Variants in SHISA6 observed in about 807,000 individuals in gnomAD.
SHISA6 encodes protein shisa-6.
A neutral mutation model predicts 47.9 loss-of-function variants in SHISA6; 22 were observed. That is an observed-to-expected ratio of 0.46 (90% CI 0.33 to 0.66). The LOEUF is 0.66. Ranked by LOEUF, SHISA6 falls within the 30% of genes least tolerant of loss-of-function variation. The pLI, the probability that SHISA6 is intolerant of heterozygous loss-of-function variation, is 0.02. For synonymous variants in SHISA6, 388 were observed against 337.8 expected (o/e 1.15, Z -1.63); for missense variants, 680 against 764.6 (o/e 0.89, Z 1.30).
chr17:11,479,309 T>C (rs1916154305), intron 3 of SHISA6, among the ~76,000 whole-genome samples: 1 of 152,122 alleles, frequency 6.6e-6, no homozygotes, highest in African/African-American at 2.4e-5. Flanking sequence ...TGTCCTTTGT[T>C]AGGACATGGA....
At chr17:11,491,990 C>G (rs1228254156) in intron 3 of SHISA6, among the ~76,000 whole-genome samples, 1 of 151,990 alleles carries the variant, frequency 6.6e-6, no homozygotes. Flanking sequence ...AGGATGGTCT[C>G]GATCTCTTGA....
intron 2 of SHISA6, among the ~76,000 whole-genome samples, chr17:11,355,352 A>G (rs927986517): frequency 6.6e-6 from 1 of 152,246 alleles, no homozygotes; most frequent in African/African-American, 2.4e-5. Context: ...CCTTGTACAT[A>G]GGTCTCCATT....
At chr17:11,523,595 C>T (rs1057310434) in intron 3 of SHISA6, among the ~76,000 whole-genome samples, 4 of 152,066 alleles carry the variant, frequency 2.6e-5, no homozygotes, top group South Asian at 2.1e-4. Context: ...CCTGTGTGGG[C>T]GCCTGGCTGT....
intron 2 of SHISA6, among the ~76,000 whole-genome samples, chr17:11,359,304 A>C (rs902904930): frequency 1.3e-5 from 2 of 152,156 alleles, no homozygotes; most frequent in Non-Finnish European, 2.9e-5. Flanking sequence ...ACTAAACCAT[A>C]TTTTCTTAAA....
chr17:11,440,726 G>T (rs3111836), intron 3 of SHISA6, among the ~76,000 whole-genome samples: 120,267 of 151,236 alleles, frequency 0.8, 48,235 homozygotes, highest in African/African-American at 0.89. Context: ...ACTCTTGTTA[G>T]TCTTACTGCC....
chr17:11,362,283 G>C (rs1056539067), intron 2 of SHISA6, among the ~76,000 whole-genome samples: 1 of 152,066 alleles, frequency 6.6e-6, no homozygotes, highest in African/African-American at 2.4e-5. Context: ...GGGACTACAG[G>C]CACGTATCAC....
intron 2 of SHISA6, among the ~76,000 whole-genome samples, chr17:11,284,184 A>G (rs1369196312): frequency 6.6e-6 from 1 of 152,206 alleles, no homozygotes; most frequent in Non-Finnish European, 1.5e-5. Flanking sequence ...ATTATGTTCA[A>G]CTTCAAGTAA....
intron 3 of SHISA6, among the ~76,000 whole-genome samples, chr17:11,505,758 T>C (rs1012915150): frequency 7.2e-5 from 11 of 152,228 alleles, no homozygotes; most frequent in African/African-American, 2.7e-4. Flanking sequence ...GTTATTCATT[T>C]AAACAAAACT....
At chr17:11,255,456 C>T (rs4791455) in intron 1 of SHISA6, among the ~76,000 whole-genome samples, 114,068 of 152,164 alleles carry the variant, frequency 0.75, 47,659 homozygotes, top group South Asian at 0.92. Context: ...CCCTTCTGTG[C>T]CCCATTTGAC....
intron 3 of SHISA6, among the ~76,000 whole-genome samples, chr17:11,456,707 G>GC (rs142879365): frequency 0.066 from 10,068 of 152,220 alleles, 325 homozygotes; most frequent in Non-Finnish European, 0.078. Flanking sequence ...GGGCTGGACC[G>GC]CCCCCCTCTG....
chr17:11,299,761 C>T (rs1909859561), intron 2 of SHISA6, among the ~76,000 whole-genome samples: 3 of 152,128 alleles, frequency 2.0e-5, no homozygotes, highest in African/African-American at 7.2e-5. Flanking sequence ...ATAAGGATCC[C>T]GTGTGGGCCT....
chr17:11,398,941 A>G (rs116918355), intron 3 of SHISA6, among the ~76,000 whole-genome samples: 2,647 of 143,114 alleles, frequency 0.018, 86 homozygotes, highest in African/African-American at 0.053. Context: ...CACCTCTTCT[A>G]TCTTCTACCT....
At chr17:11,430,814 T>C (rs1275984358) in intron 3 of SHISA6, among the ~76,000 whole-genome samples, 1 of 152,180 alleles carries the variant, frequency 6.6e-6, no homozygotes, top group Non-Finnish European at 1.5e-5. Flanking sequence ...CTTCTTACTT[T>C]GGAACAGCAA....
At chr17:11,425,579 CA>C (rs1914587885) in intron 3 of SHISA6, among the ~76,000 whole-genome samples, 1 of 152,138 alleles carries the variant, frequency 6.6e-6, no homozygotes. Context: ...ACAGAGAATT[CA>C]GCCCAAATTG....
At chr17:11,272,955 G>A (rs1376257073) in intron 2 of SHISA6, among the ~76,000 whole-genome samples, 1 of 152,182 alleles carries the variant, frequency 6.6e-6, no homozygotes, top group African/African-American at 2.4e-5. Flanking sequence ...GAGTTCCTGT[G>A]TCTTGTTGTA....
At chr17:11,481,193 T>G (rs1257700767) in intron 3 of SHISA6, among the ~76,000 whole-genome samples, 1 of 151,796 alleles carries the variant, frequency 6.6e-6, no homozygotes, top group Non-Finnish European at 1.5e-5. Context: ...GCAGGAGACT[T>G]ATTTGAACCC....
At chr17:11,454,714 A>G (rs909017987) in intron 3 of SHISA6, among the ~76,000 whole-genome samples, 2 of 152,194 alleles carry the variant, frequency 1.3e-5, no homozygotes, top group African/African-American at 4.8e-5. Context: ...CTTCATGTCC[A>G]TCATGGCGCT....
At chr17:11,292,642 G>A (rs1909593087) in intron 2 of SHISA6, among the ~76,000 whole-genome samples, 1 of 151,756 alleles carries the variant, frequency 6.6e-6, no homozygotes, top group South Asian at 2.1e-4. Context: ...GTCCTGAAAT[G>A]GGAGTGAACA....
At chr17:11,368,234 C>G (rs1348265287) in intron 2 of SHISA6, among the ~76,000 whole-genome samples, 2 of 152,182 alleles carry the variant, frequency 1.3e-5, no homozygotes, top group Non-Finnish European at 2.9e-5. Context: ...ACAGGGATCA[C>G]AGAATCACAG....
Sources: gnomAD v4.1 joint callset for allele counts (sites outside exome capture counted in the v4.1 genomes callset) on GRCh38, gnomAD v4.1.1 for gene constraint, MANE v1.5 for transcripts, NCBI Gene and HGNC (gene_info 2026-07-23, HGNC 2026-07-21) for gene names.